The following BCAS3 variants were observed in gnomAD, a reference collection of about 807,000 sequenced individuals.
BCAS3 encodes BCAS4/BCAS3 fusion.
BCAS3 carries 53 observed loss-of-function variants against 116.1 expected under a neutral mutation model. The observed-to-expected ratio is 0.46, with a 90% confidence interval of 0.37 to 0.57. The LOEUF is 0.57. Ranked by LOEUF, BCAS3 falls within the 20% of genes least tolerant of loss-of-function variation. The pLI, the probability that BCAS3 is intolerant of heterozygous loss-of-function variation, is 0.00. For missense variants in BCAS3, 917 were observed against 1,165.4 expected (o/e 0.79, Z 3.10); for synonymous variants, 391 against 408.2 (o/e 0.96, Z 0.51).
At chr17:60,877,810 G>A (rs1019141338) in intron 9 of BCAS3, among the ~76,000 whole-genome samples, 1 of 152,088 alleles carries the variant, frequency 6.6e-6, no homozygotes, top group Non-Finnish European at 1.5e-5. Flanking sequence ...TCAGAGTAAT[G>A]TTTGCATACT....
chr17:61,169,446 T>TA (rs1188298286), intron 22 of BCAS3, among the ~76,000 whole-genome samples: 1 of 152,052 alleles, frequency 6.6e-6, no homozygotes, highest in South Asian at 2.1e-4. Flanking sequence ...CCTTGTTATT[T>TA]AAAAAAAATT....
chr17:61,293,495 C>T (rs1305180530), intron 22 of BCAS3, among the ~76,000 whole-genome samples: 3 of 152,098 alleles, frequency 2.0e-5, no homozygotes, highest in African/African-American at 4.8e-5. Context: ...CTTCTTGGCT[C>T]GTTTTTAAGA....
Position 60,993,029 on chromosome 17 carries a change from T to C in BCAS3, c.1486+2794T>C, listed in dbSNP as rs372398699. ...TGTGATCCCTACATTTATATGTCTTTGGAAGATATTTCCTTGAGCTTCTTT... is the reference window on the plus strand; with the variant it reads ...TGTGATCCCTACATTTATATGTCTTCGGAAGATATTTCCTTGAGCTTCTTT... On this transcript the variant is annotated intron_variant, in intron 15 of 23. Transcript: ENST00000407086. This position sits in a 1 kb window ranked among gnomAD's most constrained non-coding sequence, Gnocchi z 4.2. Among the ~76,000 whole-genome samples the C allele has an allele frequency of 1.8e-4, 28 of 152,352 alleles. No homozygotes were observed. The highest frequency in any genetic ancestry group is 6.3e-4 in the African/African-American group (26 of 41,586).
intron 4 of BCAS3, among the ~76,000 whole-genome samples, chr17:60,694,362 G>A (rs904763446): frequency 4.0e-5 from 6 of 151,882 alleles, no homozygotes; most frequent in South Asian, 2.1e-4. Context: ...TTAGCTGGGC[G>A]TGGTGGCATG....
Position 61,261,995 on chromosome 17 carries a change from T to C in BCAS3, c.2426-106332T>C, listed in dbSNP as rs1316713862. On this transcript the variant is annotated intron_variant, in intron 22 of 23. Coordinates refer to ENST00000407086, the MANE Select transcript of BCAS3 (RefSeq NM_017679.5). This position sits in a 1 kb window ranked among gnomAD's most constrained non-coding sequence, Gnocchi z 4.4. ...CACGAATACCGTTTCTATTCAGTGTTATACTAGAAGTACTACCCAGAGCAA... is the reference window on the plus strand; with the variant it reads ...CACGAATACCGTTTCTATTCAGTGTCATACTAGAAGTACTACCCAGAGCAA... Among the ~76,000 whole-genome samples the C allele has an allele frequency of 6.6e-6, 1 of 152,212 alleles. No homozygotes were observed. The highest frequency in any genetic ancestry group is 1.9e-4 in the East Asian group (1 of 5,196).
chr17:61,089,689 C>T (rs1356491287), intron 22 of BCAS3, among the ~76,000 whole-genome samples: 1 of 151,626 alleles, frequency 6.6e-6, no homozygotes, highest in Non-Finnish European at 1.5e-5. Flanking sequence ...CGCCACCACG[C>T]CCGGCTAATT....
In BCAS3 at chr17:60,862,749, C is replaced by T. The variant is rs377276927; in HGVS notation, c.477-5827C>T. 2.0e-5 allele frequency among the ~76,000 whole-genome samples: 3 copies of T among 152,254 alleles called. No homozygotes were observed. The South Asian group carries it at 6.2e-4, about 32-fold the overall frequency. ...TCACTGCATCCTCAAATTGCTCCTG[C>T]CTCAGCCTTCCTAGTAGCTGAGACT... On this transcript the variant is annotated intron_variant, in intron 7 of 23. Coordinates refer to ENST00000407086, the MANE Select transcript of BCAS3 (RefSeq NM_017679.5).
intron 6 of BCAS3, among the ~76,000 whole-genome samples, chr17:60,780,289 A>ATTTT (rs76897536): frequency 2.4e-5 from 3 of 127,310 alleles, no homozygotes; most frequent in African/African-American, 8.5e-5. Flanking sequence ...TGCCCTGCCT[A>ATTTT]TTTTTTTTTT....
intron 6 of BCAS3, among the ~76,000 whole-genome samples, chr17:60,760,503 T>G (rs941582434): frequency 2.3e-4 from 35 of 151,840 alleles, no homozygotes; most frequent in Non-Finnish European, 4.7e-4. Context: ...TTTTGTTTTT[T>G]TTTTTTTAAA....
At chr17:60,790,092 T>G (rs960453889) in intron 6 of BCAS3, among the ~76,000 whole-genome samples, 3 of 152,154 alleles carry the variant, frequency 2.0e-5, no homozygotes, top group African/African-American at 7.2e-5. Flanking sequence ...AGTATAGGGC[T>G]TTTATTTTGT....
At chr17:60,986,732 T>G (rs533441545) in intron 14 of BCAS3, 1 of 152,230 alleles carries the variant, frequency 6.6e-6, no homozygotes, top group African/African-American at 2.4e-5. Flanking sequence ...TTTCTAGTTG[T>G]TAATCCCTTG....
At position 60,977,721 on chromosome 17, in the gene BCAS3, C is replaced by G. The variant is rs1198652740; in HGVS notation, c.1222-12250C>G. 2.7e-5 allele frequency among the ~76,000 whole-genome samples: 4 copies of G among 145,962 alleles called. No individual in the cohort carries two copies. The East Asian group carries it at 8.3e-4, about 30-fold the overall frequency. On this transcript the variant is annotated intron_variant, in intron 14 of 23. Coordinates refer to ENST00000407086, the MANE Select transcript of BCAS3 (RefSeq NM_017679.5). ...CCTGTGTCCACCTGTTCTCATTGTT[C>G]AATTCCCACCTATGATTGAGAATAT...
At chr17:61,179,532 G>A (rs1411408418) in intron 22 of BCAS3, among the ~76,000 whole-genome samples, 1 of 152,136 alleles carries the variant, frequency 6.6e-6, no homozygotes, top group Non-Finnish European at 1.5e-5. Flanking sequence ...AGGTGGGGGA[G>A]GAGTAGTGTT....
intron 5 of BCAS3, among the ~76,000 whole-genome samples, chr17:60,732,542 A>G (rs551067515): frequency 6.6e-6 from 1 of 152,260 alleles, no homozygotes; most frequent in Admixed American, 6.5e-5. Flanking sequence ...GTAATGTATT[A>G]GTGAGTTCAA....
Position 61,279,028 on chromosome 17 carries a change from C to A in BCAS3, c.2426-89299C>A, listed in dbSNP as rs1486343348. Among the ~76,000 whole-genome samples the A allele has an allele frequency of 1.3e-5, 2 of 151,464 alleles. No individual in the cohort carries two copies. Among genetic ancestry groups the A allele is most frequent in the East Asian group, 1.9e-4 (1 of 5,138 alleles). On this transcript the variant is annotated intron_variant, in intron 22 of 23. Coordinates refer to ENST00000407086, the MANE Select transcript of BCAS3 (RefSeq NM_017679.5). The surrounding 1 kb of genome is among the most constrained non-coding windows in gnomAD (Gnocchi z 4.4). ...TACAGTGGCATGTCTGGGCTCACTG[C>A]AACCTCCTCCCAGATTCAAGTGAGT...
Position 61,034,897 on chromosome 17 carries a change from CCAA to C in BCAS3, c.1762+108_1762+110del. 1 of 1,092,378 alleles carries C rather than the reference CCAA, an allele frequency of 9.2e-7. No homozygotes were observed. The highest frequency in any genetic ancestry group is 1.3e-6 in the Non-Finnish European group (1 of 770,788). The allele number at this position is 1,092,378 out of a possible 1,614,324, so 67.7% of individuals were successfully genotyped here. A position where few individuals can be genotyped will look rare whatever the true frequency, so the allele number is the denominator to read the frequency against. On this transcript the variant is annotated intron_variant, in intron 17 of 23. Coordinates refer to ENST00000407086, the MANE Select transcript of BCAS3 (RefSeq NM_017679.5). This position sits in a 1 kb window ranked among gnomAD's most constrained non-coding sequence, Gnocchi z 5.0. Reference sequence around the variant, plus strand: ...AATCTTGTACCCAGTAGTCTGGAAACCAATTTTTTTAATGTAATTAGCATGTCA... The same window carrying C: ...AATCTTGTACCCAGTAGTCTGGAAACTTTTTTTAATGTAATTAGCATGTCA...
At chr17:60,828,954 G>A (rs1390067379) in intron 7 of BCAS3, among the ~76,000 whole-genome samples, 3 of 152,112 alleles carry the variant, frequency 2.0e-5, no homozygotes, top group South Asian at 4.1e-4. Context: ...GGTATCTAGC[G>A]TGTAGAGTCA....
At position 61,227,252 on chromosome 17, in the gene BCAS3, C is replaced by G. The variant is rs1485245492; in HGVS notation, c.2426-141075C>G. On this transcript the variant is annotated intron_variant, in intron 22 of 23. Coordinates refer to ENST00000407086, the MANE Select transcript of BCAS3 (RefSeq NM_017679.5). The surrounding 1 kb of genome is among the most constrained non-coding windows in gnomAD (Gnocchi z 6.1). ...GAGAAGCTAGTGCAATTTATGAGTC[C>G]TCTTCTGAAAAAAATGCAGATACTC... Among the ~76,000 whole-genome samples, 7 of 152,096 alleles carry G rather than the reference C, an allele frequency of 4.6e-5. No individual in the cohort carries two copies. The highest frequency in any genetic ancestry group is 4.4e-5 in the Non-Finnish European group (3 of 68,026).
intron 11 of BCAS3, 91 bp from the exon 12 acceptor site, chr17:60,910,436 AATAAC>A: frequency 9.9e-7 from 1 of 1,008,356 alleles, no homozygotes. Context: ...TAAGAGAATA[AATAAC>A]ATAATGATTA....
Sources: gnomAD v4.1 joint callset for allele counts (sites outside exome capture counted in the v4.1 genomes callset) on GRCh38, gnomAD v4.1.1 for gene constraint, Gnocchi (gnomAD v3.1) non-coding constraint, MANE v1.5 for transcripts, NCBI Gene and HGNC (gene_info 2026-07-23, HGNC 2026-07-21) for gene names.